Variants in PARD3B observed in about 807,000 individuals in gnomAD.
PARD3B encodes the protein partitioning defective 3 homolog B.
In PARD3B, 103 loss-of-function variants were observed where a neutral mutation model predicts 130.2. The ratio of observed to expected loss-of-function variants is 0.79; its 90% CI spans 0.67 to 0.93. The LOEUF (loss-of-function observed/expected upper bound fraction) is 0.93, where lower values mean the gene tolerates loss of function less well. Among genes scored for constraint, PARD3B ranks in the 40% least tolerant of loss-of-function variants. PARD3B has a pLI of 0.00. For missense variants in PARD3B, 1,609 were observed against 1,499.2 expected (o/e 1.07, Z -1.21); for synonymous variants, 583 against 553.2 (o/e 1.05, Z -0.76).
intron 15 of PARD3B, among the ~76,000 whole-genome samples, chr2:205,214,714 A>G (rs909789186): frequency 6.6e-6 from 1 of 152,078 alleles, no homozygotes; most frequent in African/African-American, 2.4e-5. Flanking sequence ...CAACTGAGAA[A>G]CATTAAAAGG....
intron 15 of PARD3B, among the ~76,000 whole-genome samples, chr2:205,200,670 C>T (rs2036939789): frequency 6.6e-6 from 1 of 152,148 alleles, no homozygotes; most frequent in African/African-American, 2.4e-5. Flanking sequence ...ACAGTGTTTT[C>T]ATTCTCGTTA....
intron 2 of PARD3B, among the ~76,000 whole-genome samples, chr2:204,892,168 G>T (rs1367624774): frequency 6.6e-6 from 1 of 152,130 alleles, no homozygotes; most frequent in African/African-American, 2.4e-5. Flanking sequence ...TGCTATGAAG[G>T]TGCAATCAAG....
chr2:205,153,319 T>C (rs1228289861), intron 10 of PARD3B, among the ~76,000 whole-genome samples: 1 of 152,072 alleles, frequency 6.6e-6, no homozygotes, highest in African/African-American at 2.4e-5. Flanking sequence ...CATAGCTCAA[T>C]TGGAAAGGCA....
intron 1 of PARD3B, among the ~76,000 whole-genome samples, chr2:204,628,177 CT>C: frequency 6.6e-6 from 1 of 152,018 alleles, no homozygotes; most frequent in East Asian, 1.9e-4. Flanking sequence ...ATTAACCACC[CT>C]TTTGAAGACT....
chr2:204,770,620 A>G (rs1318422779), intron 2 of PARD3B, among the ~76,000 whole-genome samples: 1 of 152,026 alleles, frequency 6.6e-6, no homozygotes, highest in East Asian at 1.9e-4. Flanking sequence ...CAGTCAACAA[A>G]TATTTTTGGC....
At chr2:204,701,924 C>T (rs2037914119) in intron 2 of PARD3B, among the ~76,000 whole-genome samples, 5 of 152,000 alleles carry the variant, frequency 3.3e-5, no homozygotes. Flanking sequence ...TCCCCAATGT[C>T]TATTGTTGCC....
At chr2:204,756,302 C>T (rs1293788374) in intron 2 of PARD3B, among the ~76,000 whole-genome samples, 1 of 151,920 alleles carries the variant, frequency 6.6e-6, no homozygotes, top group Non-Finnish European at 1.5e-5. Flanking sequence ...TATTTAGTGT[C>T]TTGAGTAGTG....
rs1343778811 is a variant in PARD3B at position 204,675,170 on chromosome 2, T to A, written c.121-11011T>A. ...AAAACAGGATTTTTAAAAAATCAGCTGTTTTCTTTAAAATTACTTTGAGTC... is the reference window on the plus strand; with the variant it reads ...AAAACAGGATTTTTAAAAAATCAGCAGTTTTCTTTAAAATTACTTTGAGTC... On this transcript the variant is annotated intron_variant, in intron 1 of 22. Transcript: ENST00000406610. This position sits in a 1 kb window ranked among gnomAD's most constrained non-coding sequence, Gnocchi z 4.4. Among the ~76,000 whole-genome samples, 1 of 152,110 alleles carries A rather than the reference T, an allele frequency of 6.6e-6. No individual in the cohort carries two copies. The highest frequency in any genetic ancestry group is 1.5e-5 in the Non-Finnish European group (1 of 68,004).
chr2:204,616,897 T>C (rs1263034402), intron 1 of PARD3B, among the ~76,000 whole-genome samples: 2 of 152,174 alleles, frequency 1.3e-5, no homozygotes, highest in African/African-American at 4.8e-5. Context: ...TTACATTAGA[T>C]TTGGCCAATA....
intron 2 of PARD3B, among the ~76,000 whole-genome samples, chr2:204,873,977 T>G (rs1257718281): frequency 1.3e-5 from 2 of 152,022 alleles, no homozygotes; most frequent in Non-Finnish European, 2.9e-5. Flanking sequence ...ACCCCATCTC[T>G]ACTAAAAATA....
At chr2:205,487,078 T>A (rs954726596) in intron 20 of PARD3B, among the ~76,000 whole-genome samples, 1 of 152,216 alleles carries the variant, frequency 6.6e-6, no homozygotes, top group Non-Finnish European at 1.5e-5. Flanking sequence ...ATCATTAAGA[T>A]TGGCCTCATG....
intron 1 of PARD3B, among the ~76,000 whole-genome samples, chr2:204,552,322 A>G (rs927687465): frequency 3.3e-5 from 5 of 152,078 alleles, no homozygotes; most frequent in African/African-American, 1.2e-4. Context: ...TGGGTTTGAG[A>G]GTAAGCCCAG....
intron 3 of PARD3B, among the ~76,000 whole-genome samples, chr2:205,034,978 T>TCCAG (rs1697701830): frequency 6.6e-6 from 1 of 152,128 alleles, no homozygotes; most frequent in Admixed American, 6.6e-5. Flanking sequence ...TGCCTCATCC[T>TCCAG]CCAGAGTAGC....
intron 21 of PARD3B, among the ~76,000 whole-genome samples, chr2:205,515,071 T>C (rs1255163273): frequency 6.6e-6 from 1 of 152,098 alleles, no homozygotes. Flanking sequence ...GCTCCCACTT[T>C]TAAGTGAGAA....
chr2:205,197,023 TGG>T (rs5837962), intron 15 of PARD3B, among the ~76,000 whole-genome samples: 129 of 130,734 alleles, frequency 9.9e-4, no homozygotes, highest in South Asian at 1.3e-3. Context: ...GCTTCCACTG[TGG>T]GGGGGGGGTG....
chr2:204,676,222 T>C (rs1381305013), intron 1 of PARD3B, among the ~76,000 whole-genome samples: 1 of 151,714 alleles, frequency 6.6e-6, no homozygotes, highest in Non-Finnish European at 1.5e-5. Context: ...ATTCTCAGGC[T>C]TTTTTTTCCC....
rs1417109261 is a variant in PARD3B, at chr2:205,104,424, A to G, written c.505-2A>G. On this transcript the variant is annotated splice_acceptor_variant, in intron 4 of 22. Coordinates refer to ENST00000406610, the MANE Select transcript of PARD3B (RefSeq NM_001302769.2). LOFTEE classifies it high-confidence loss of function. ...CATGCTTATGACTTTGTTTCACTAT[A>G]GGATTCCACGCAGAACTTGGAAGAC... 6.3e-7 allele frequency: 1 copy of G among 1,583,298 alleles called. No individual in the cohort carries two copies. Among genetic ancestry groups the G allele is most frequent in the Non-Finnish European group, 8.7e-7 (1 of 1,152,376 alleles).
At chr2:205,055,828 T>C (rs1699592909) in intron 4 of PARD3B, among the ~76,000 whole-genome samples, 1 of 152,126 alleles carries the variant, frequency 6.6e-6, no homozygotes, top group Non-Finnish European at 1.5e-5. Context: ...TCATTTTTTA[T>C]TGGTCAAATG....
intron 4 of PARD3B, among the ~76,000 whole-genome samples, chr2:205,102,203 A>T (rs989143073): frequency 6.6e-6 from 1 of 152,058 alleles, no homozygotes; most frequent in African/African-American, 2.4e-5. Flanking sequence ...ATAAATGTTT[A>T]TTTTTTTAAT....
Sources: allele counts gnomAD v4.1 joint callset (sites outside exome capture counted in the v4.1 genomes callset), GRCh38; gene constraint gnomAD v4.1.1; non-coding constraint Gnocchi (gnomAD v3.1); transcripts MANE v1.5; gene names NCBI Gene and HGNC (gene_info 2026-07-23, HGNC 2026-07-21).